NAA11: variants seen among roughly 807,000 people sequenced by gnomAD.
NAA11 encodes the protein N-alpha-acetyltransferase 11, NatA catalytic subunit.
A neutral mutation model predicts 16.1 loss-of-function variants in NAA11; 15 were observed. That is an observed-to-expected ratio of 0.93 (90% CI 0.62 to 1.44). NAA11 has a LOEUF of 1.44. Among genes scored for constraint, NAA11 ranks in the 40% most tolerant of loss-of-function variants. NAA11 has a pLI of 0.00. For synonymous variants in NAA11, 122 were observed against 112.4 expected, an observed-to-expected ratio of 1.09 and a Z score of -0.54; for missense variants, 298 against 291.3, an observed-to-expected ratio of 1.02 and a Z score of -0.17.
At chr4:79,221,283 G>A (rs866386093), downstream of NAA11, among the ~76,000 whole-genome samples, 600 of 151,734 alleles carry the variant, frequency 4.0e-3, 4 homozygotes, top group African/African-American at 0.013. Context: ...GGCTGAGACA[G>A]TGGGGTTTTC....
intron 1 of NAA11, among the ~76,000 whole-genome samples, chr4:79,306,216 A>C (rs1378432339): frequency 6.6e-6 from 1 of 152,210 alleles, no homozygotes; most frequent in Admixed American, 6.5e-5. Flanking sequence ...AAGAAAGAGA[A>C]CTGTATTGCA....
At chr4:79,286,858 ACAT>A (rs1452352574) in intron 2 of NAA11, among the ~76,000 whole-genome samples, 1 of 152,064 alleles carries the variant, frequency 6.6e-6, no homozygotes, top group African/African-American at 2.4e-5. Flanking sequence ...CTTTTCTTTG[ACAT>A]CATAACATTT....
chr4:79,282,627 T>TA (rs1722820214), intron 2 of NAA11, among the ~76,000 whole-genome samples: 1 of 152,062 alleles, frequency 6.6e-6, no homozygotes, highest in South Asian at 2.1e-4. Context: ...GATGATTGTT[T>TA]AAAAAAACAA....
chr4:79,200,037 A>G, the NAA11 span, among the ~76,000 whole-genome samples: 3 of 151,698 alleles, frequency 2.0e-5, no homozygotes, highest in African/African-American at 7.3e-5. Flanking sequence ...GTGCTTCCTC[A>G]TTCATTTCTT....
intron 2 of NAA11, chr4:79,227,643 C>G (rs984243238): frequency 6.6e-6 from 1 of 151,908 alleles, no homozygotes; most frequent in Non-Finnish European, 1.5e-5. Flanking sequence ...CTTCAGTGTC[C>G]CTAGTAAAAT....
the NAA11 span, among the ~76,000 whole-genome samples, chr4:79,215,917 G>C: frequency 6.6e-6 from 1 of 152,068 alleles, no homozygotes; most frequent in Non-Finnish European, 1.5e-5. Flanking sequence ...TTTTTAGAAT[G>C]TATTTTTAGA....
intron 1 of NAA11, among the ~76,000 whole-genome samples, chr4:79,304,887 G>A (rs112504688): frequency 5.1e-4 from 78 of 152,230 alleles, no homozygotes; most frequent in African/African-American, 1.9e-3. Context: ...AAAGAACTCT[G>A]TCAGTGAAAA....
chr4:79,188,120 C>T, the NAA11 span, among the ~76,000 whole-genome samples: 3 of 151,582 alleles, frequency 2.0e-5, no homozygotes, highest in Admixed American at 6.6e-5. Flanking sequence ...ATTTTCTCCC[C>T]TTTTTTGAAT....
chr4:79,233,875 C>A (rs1721516240), intron 2 of NAA11, among the ~76,000 whole-genome samples: 1 of 151,912 alleles, frequency 6.6e-6, no homozygotes, highest in East Asian at 1.9e-4. Flanking sequence ...GGAAGATGCA[C>A]TCTCTTTTAC....
chr4:79,174,845 T>C, the NAA11 span, among the ~76,000 whole-genome samples: 2 of 152,134 alleles, frequency 1.3e-5, no homozygotes, highest in Non-Finnish European at 2.9e-5. Context: ...AGACCTCTTA[T>C]CCGAATGCAA....
At chr4:79,190,902 TGTAA>T in the NAA11 span, among the ~76,000 whole-genome samples, 7 of 152,180 alleles carry the variant, frequency 4.6e-5, no homozygotes, top group African/African-American at 9.7e-5. Flanking sequence ...AGCTTCCACT[TGTAA>T]GTGAGAACAT....
chr4:79,229,050 G>A (rs137866862), intron 2 of NAA11, among the ~76,000 whole-genome samples: 8 of 151,898 alleles, frequency 5.3e-5, no homozygotes, highest in African/African-American at 1.9e-4. Context: ...GTCTTTCGTA[G>A]TGCAGAAGTT....
chr4:79,167,264 T>TAGAG, the NAA11 span, among the ~76,000 whole-genome samples: 6 of 120,264 alleles, frequency 5.0e-5, no homozygotes, highest in Admixed American at 3.5e-4. Flanking sequence ...CATATATATA[T>TAGAG]ATATATAGAG....
chr4:79,256,534 C>T (rs996807745), intron 2 of NAA11, among the ~76,000 whole-genome samples: 3 of 151,574 alleles, frequency 2.0e-5, no homozygotes, highest in Admixed American at 6.6e-5. Context: ...ATAAAATTCA[C>T]TCTGTCTTTA....
chr4:79,325,993 C>T lies in NAA11; in HGVS notation c.-116G>A, dbSNP rs1259023477. The stretch of plus-strand genomic sequence containing the variant: ...AGTCCAGGGGGCTAACACCACCGGG[C>T]TGAATCGTGTGGAGGGCGGATGGCG... On this transcript the variant is annotated 5_prime_UTR_variant, in exon 1 of 2. Coordinates refer to ENST00000286794, the MANE Select transcript of NAA11 (RefSeq NM_032693.3). 19 of 854,384 alleles carry T rather than the reference C, an allele frequency of 2.2e-5. No homozygotes were observed. The highest frequency in any genetic ancestry group is 3.3e-5 in the Non-Finnish European group (18 of 551,520). 52.9% of individuals were successfully genotyped at this position (854,384 alleles called of 1,614,324 possible). A position where few individuals can be genotyped will look rare whatever the true frequency, so the allele number is the denominator to read the frequency against.
chr4:79,305,108 C>T (rs1242889315), intron 1 of NAA11: 1 of 152,142 alleles, frequency 6.6e-6, no homozygotes, highest in African/African-American at 2.4e-5. Context: ...TCAGGATGTT[C>T]TTTGGTTCTT....
At chr4:79,314,861 T>C (rs1482183375), downstream of NAA11, among the ~76,000 whole-genome samples, 1 of 152,074 alleles carries the variant, frequency 6.6e-6, no homozygotes, top group Non-Finnish European at 1.5e-5. Context: ...TCCTAATAGA[T>C]ATAATATTAT....
the NAA11 span, among the ~76,000 whole-genome samples, chr4:79,157,898 AT>A: frequency 0.018 from 2,262 of 125,964 alleles, 28 homozygotes; most frequent in African/African-American, 0.058. Context: ...ATTGCTGATG[AT>A]TTTTTTTTTT....
chr4:79,233,875 C>G (rs1721516240), intron 2 of NAA11, among the ~76,000 whole-genome samples: 1 of 151,912 alleles, frequency 6.6e-6, no homozygotes, highest in Admixed American at 6.6e-5. Context: ...GGAAGATGCA[C>G]TCTCTTTTAC....
Sources: allele counts gnomAD v4.1 joint callset (sites outside exome capture counted in the v4.1 genomes callset), GRCh38; gene constraint gnomAD v4.1.1; transcripts MANE v1.5; gene names NCBI Gene and HGNC (gene_info 2026-07-23, HGNC 2026-07-21).